CSPP1: variants seen among roughly 807,000 people sequenced by gnomAD.
CSPP1 encodes centrosome and spindle pole-associated protein 1.
Under a neutral mutation model 164.4 loss-of-function variants are expected in CSPP1, and 126 were observed. That is an observed-to-expected ratio of 0.77 (90% confidence interval 0.66 to 0.89). CSPP1 has a LOEUF of 0.89. CSPP1 is among the 40% of genes least tolerant of loss of function. The pLI is 0.00. For missense variants in CSPP1, 1,395 were observed against 1,449.8 expected, an observed-to-expected ratio of 0.96 and a Z score of 0.61; for synonymous variants, 472 against 476.7, an observed-to-expected ratio of 0.99 and a Z score of 0.13.
rs531506155 is a variant in CSPP1, at chr8:67,170,216, G to A, written c.2829-2200G>A. On this transcript the variant is annotated intron_variant, in intron 24 of 30. Coordinates refer to ENST00000678616, the MANE Select transcript of CSPP1 (RefSeq NM_001382391.1). ...TCCCAGCACTTTGGGAGACTGAGGCGGATGGATCACCTGAGGTCAGGAGTT... is the reference window on the plus strand; with the variant it reads ...TCCCAGCACTTTGGGAGACTGAGGCAGATGGATCACCTGAGGTCAGGAGTT... Among the ~76,000 whole-genome samples, 5 of 151,722 alleles carry A rather than the reference G, an allele frequency of 3.3e-5. No homozygotes were observed. In the East Asian group the frequency reaches 7.8e-4, roughly 24 times the overall value.
chr8:67,174,386 AGTGTAATTAGT>A (rs564506081), intron 25 of CSPP1: 16 of 152,298 alleles, frequency 1.1e-4, no homozygotes, highest in African/African-American at 3.8e-4. Flanking sequence ...ATATTCCAGC[AGTGTAATTAGT>A]GAGTCAAAGG....
chr8:67,159,957 C>CCTTCCTTCTTTTCTTTTCT (rs1554605789), intron 21 of CSPP1, among the ~76,000 whole-genome samples: 2 of 20,022 alleles, frequency 1.0e-4, no homozygotes, highest in East Asian at 1.5e-3. Flanking sequence ...TTCCTTCCTT[C>CCTTCCTTCTTTTCTTTTCT]TTTCTTTTCT....
intron 17 of CSPP1, among the ~76,000 whole-genome samples, chr8:67,145,087 A>AGCCATCTGG (rs1824258225): frequency 6.6e-6 from 1 of 151,724 alleles, no homozygotes; most frequent in South Asian, 2.1e-4. Flanking sequence ...TCACCAGTGA[A>AGCCATCTGG]GCCATCTGGG....
intron 28 of CSPP1, among the ~76,000 whole-genome samples, chr8:67,189,804 AT>A (rs1355673621): frequency 1.3e-5 from 2 of 152,200 alleles, no homozygotes; most frequent in African/African-American, 4.8e-5. Context: ...ACTAATGGTG[AT>A]TCTAAGTATT....
At position 67,182,712 on chromosome 8, in the gene CSPP1, CT is replaced by C. The variant is rs549945498; in HGVS notation, c.3220+2788del. Reference sequence around the variant, plus strand: ...ACGTGGCATCTCATTGTGGTTTTGACTTACATTTCTGTAATAATTAGTGATG... The same window carrying C: ...ACGTGGCATCTCATTGTGGTTTTGACTACATTTCTGTAATAATTAGTGATG... On this transcript the variant is annotated intron_variant, in intron 28 of 30. Coordinates refer to ENST00000678616, the MANE Select transcript of CSPP1 (RefSeq NM_001382391.1). Among the ~76,000 whole-genome samples, 8 of 152,286 alleles carry C rather than the reference CT, an allele frequency of 5.3e-5. No homozygotes were observed. The South Asian group carries it at 1.7e-3, about 32-fold the overall frequency.
intron 16 of CSPP1, among the ~76,000 whole-genome samples, chr8:67,132,973 G>A (rs1821535044): frequency 6.6e-6 from 1 of 152,082 alleles, no homozygotes; most frequent in African/African-American, 2.4e-5. Context: ...ACTTTTACAT[G>A]GGCAACTTTC....
intron 28 of CSPP1, among the ~76,000 whole-genome samples, chr8:67,187,499 AAAC>A (rs758758600): frequency 5.9e-5 from 9 of 152,144 alleles, no homozygotes; most frequent in South Asian, 2.1e-4. Context: ...CTGGGCAACA[AAAC>A]AACACCTTGT....
At chr8:67,084,362 A>G (rs1183085056) in intron 3 of CSPP1, 2 of 152,222 alleles carry the variant, frequency 1.3e-5, no homozygotes, top group Admixed American at 1.3e-4. Flanking sequence ...AGTATTCTGT[A>G]AGAATCCATA....
At chr8:67,076,692 T>C (rs981610462) in intron 3 of CSPP1, 111 bp downstream of exon 3, 7 of 575,990 alleles carry the variant, frequency 1.2e-5, no homozygotes, top group African/African-American at 1.9e-5. Flanking sequence ...GTAGTTTTTC[T>C]TTCTGGAATC....
chr8:67,159,849 TC>T (rs1244150756), intron 21 of CSPP1, among the ~76,000 whole-genome samples: 3 of 112,240 alleles, frequency 2.7e-5, no homozygotes, highest in Non-Finnish European at 5.1e-5. Flanking sequence ...TTTCTTTCTT[TC>T]TTTTTCTTTC....
intron 25 of CSPP1, 113 bp from the exon 26 acceptor site, chr8:67,175,183 A>C (rs75428500): frequency 1.3e-6 from 1 of 763,508 alleles, no homozygotes; most frequent in Non-Finnish European, 2.2e-6. Context: ...CACTATTTCT[A>C]TCATTTCCTT....
intron 1 of CSPP1, among the ~76,000 whole-genome samples, chr8:67,066,052 A>C (rs1214298162): frequency 6.6e-6 from 1 of 152,188 alleles, no homozygotes. Context: ...GTGTTTGAGC[A>C]AGTGTTTCAG....
In CSPP1 at chr8:67,154,141, A is replaced by G. The variant is rs763130214; in HGVS notation, c.2241+5A>G. 26 of 1,317,056 alleles carry G rather than the reference A, an allele frequency of 2.0e-5. No individual in the cohort carries two copies. In the South Asian group the frequency reaches 2.7e-4, roughly 14 times the overall value. The allele number at this position is 1,317,056 out of a possible 1,614,324, so 81.6% of individuals were successfully genotyped here. A position where few individuals can be genotyped will look rare whatever the true frequency, so the allele number is the denominator to read the frequency against. ...AAGAATTTTCTTCGTTTCCAGGTGA[A>G]ATGCTATTTGATCAGTTTCAAAGTT... On this transcript the variant is annotated splice_donor_5th_base_variant and intron_variant, in intron 19 of 30. Coordinates refer to ENST00000678616, the MANE Select transcript of CSPP1 (RefSeq NM_001382391.1).
At chr8:67,122,408 C>T (rs1350584110) in intron 15 of CSPP1, among the ~76,000 whole-genome samples, 2 of 151,994 alleles carry the variant, frequency 1.3e-5, no homozygotes, top group Non-Finnish European at 2.9e-5. Context: ...TAGCTACATC[C>T]CTTAAGTTTT....
At position 67,111,743 on chromosome 8, in the gene CSPP1, G is replaced by A. The variant is rs191119104; in HGVS notation, c.1094-229G>A. Among the ~76,000 whole-genome samples the A allele has an allele frequency of 4.5e-4, 69 of 152,260 alleles. 1 individual carries two copies. The East Asian group carries it at 0.013, about 28-fold the overall frequency. On this transcript the variant is annotated intron_variant, in intron 9 of 30. Coordinates refer to ENST00000678616, the MANE Select transcript of CSPP1 (RefSeq NM_001382391.1). ...TATTTAGGAAAATTTTTGACTAATG[G>A]TAGAGGCATGGGCATGATTACTGTA...
chr8:67,085,766 TTTG>T (rs1810268600), intron 3 of CSPP1, among the ~76,000 whole-genome samples: 1 of 152,042 alleles, frequency 6.6e-6, no homozygotes, highest in South Asian at 2.1e-4. Flanking sequence ...AATAACAATG[TTTG>T]TTGTTCTGGA....
chr8:67,086,737 A>G (rs1810466921), intron 4 of CSPP1: 1 of 624,766 alleles, frequency 1.6e-6, no homozygotes, highest in African/African-American at 1.9e-5. Context: ...CCAAGTGTAC[A>G]AATGTCTCTT....
At chr8:67,104,728 C>T (rs1023802916) in intron 8 of CSPP1, among the ~76,000 whole-genome samples, 2 of 151,540 alleles carry the variant, frequency 1.3e-5, no homozygotes, top group Non-Finnish European at 2.9e-5. Context: ...ATCTCTGCCT[C>T]CTGGGTTCAA....
chr8:67,188,942 G>A (rs941796726), intron 28 of CSPP1, among the ~76,000 whole-genome samples: 10 of 152,062 alleles, frequency 6.6e-5, no homozygotes, highest in Non-Finnish European at 1.5e-4. Flanking sequence ...GAATCTGTGA[G>A]GCCAAGAACC....
Sources: gnomAD v4.1 joint callset for allele counts (sites outside exome capture counted in the v4.1 genomes callset) on GRCh38, gnomAD v4.1.1 for gene constraint, MANE v1.5 for transcripts, NCBI Gene and HGNC (gene_info 2026-07-23, HGNC 2026-07-21) for gene names.